The following RBBP8 variants were observed in gnomAD, a reference collection of about 807,000 sequenced individuals.
The protein encoded by RBBP8 is DNA endonuclease RBBP8.
RBBP8 carries 88 observed loss-of-function variants against 108.3 expected under a neutral mutation model. The observed-to-expected ratio is 0.81, with a 90% CI of 0.68 to 0.97. The LOEUF is 0.97. RBBP8 is among the 50% of genes least tolerant of loss of function. RBBP8 has a pLI of 0.00. For synonymous variants in RBBP8, 332 were observed against 348.2 expected, an observed-to-expected ratio of 0.95 and a Z score of 0.52; for missense variants, 1,023 against 1,049.0, an observed-to-expected ratio of 0.98 and a Z score of 0.34.
rs764144743 is a variant in RBBP8 at position 22,953,120 on chromosome 18, ACT to A, written c.248+3410_248+3411del. Among the ~76,000 whole-genome samples, 57 of 152,312 alleles carry A rather than the reference ACT, an allele frequency of 3.7e-4. 1 individual carries two copies. Among genetic ancestry groups the A allele is most frequent in the Admixed American group, 1.6e-3 (25 of 15,312 alleles). On this transcript the variant is annotated intron_variant, in intron 4 of 18. Transcript: ENST00000327155. ...GAGCTGTCAGACCCTCATGCCTCTAACTCTGTGAAGAAGAGAGGGAAGAGGAT... is the reference window on the plus strand; with the variant it reads ...GAGCTGTCAGACCCTCATGCCTCTAACTGTGAAGAAGAGAGGGAAGAGGAT...
At chr18:22,974,462 T>G (rs1914352744) in intron 5 of RBBP8, among the ~76,000 whole-genome samples, 1 of 152,148 alleles carries the variant, frequency 6.6e-6, no homozygotes, top group Admixed American at 6.5e-5. Flanking sequence ...TTTTGGTGTT[T>G]TTTTGTTTTG....
At chr18:22,982,476 A>G (rs1915003654) in intron 7 of RBBP8, 83 bp downstream of exon 7, 1 of 1,597,392 alleles carries the variant, frequency 6.3e-7, no homozygotes, top group Admixed American at 1.7e-5. Flanking sequence ...CAATCTAGTG[A>G]TAAGAAGATA....
intron 16 of RBBP8, among the ~76,000 whole-genome samples, chr18:23,011,032 T>A (rs745703498): frequency 1.3e-5 from 2 of 152,202 alleles, no homozygotes; most frequent in Non-Finnish European, 2.9e-5. Flanking sequence ...GTGGCAATAT[T>A]TTTTGTGTGT....
chr18:22,942,626 A>G (rs1056833334), intron 2 of RBBP8, among the ~76,000 whole-genome samples: 1 of 152,076 alleles, frequency 6.6e-6, no homozygotes, highest in African/African-American at 2.4e-5. Context: ...TGCTAGTATC[A>G]GTGTCACAGA....
At chr18:23,024,951 A>G (rs1014256746) in intron 18 of RBBP8, among the ~76,000 whole-genome samples, 3 of 152,224 alleles carry the variant, frequency 2.0e-5, no homozygotes, top group African/African-American at 7.2e-5. Flanking sequence ...TTGCCATCTT[A>G]TAGAAACTAT....
At chr18:23,009,862 A>AGCGATTC (rs1166393547) in intron 16 of RBBP8, among the ~76,000 whole-genome samples, 1 of 152,162 alleles carries the variant, frequency 6.6e-6, no homozygotes, top group Non-Finnish European at 1.5e-5. Flanking sequence ...CCTGGGTTCA[A>AGCGATTC]GCGATTCTCC....
At chr18:23,017,051 A>C in intron 17 of RBBP8, 127 bp downstream of exon 17, 1 of 772,502 alleles carries the variant, frequency 1.3e-6, no homozygotes, top group East Asian at 2.7e-5. Context: ...CAGGCGTAAC[A>C]GCAGGAATAA....
chr18:22,984,310 C>G (rs1035318788), intron 7 of RBBP8, among the ~76,000 whole-genome samples: 2 of 151,760 alleles, frequency 1.3e-5, no homozygotes, highest in Admixed American at 1.3e-4. Flanking sequence ...AGTTTCCTTC[C>G]CGAAAATAGA....
At chr18:22,935,085 T>G (rs1191236562) in intron 1 of RBBP8, among the ~76,000 whole-genome samples, 1 of 151,066 alleles carries the variant, frequency 6.6e-6, no homozygotes, top group East Asian at 1.9e-4. Flanking sequence ...CTGTTAGAGT[T>G]AAAGATAGAA....
At chr18:22,999,141 A>G (rs1247946861) in intron 14 of RBBP8, among the ~76,000 whole-genome samples, 3 of 152,260 alleles carry the variant, frequency 2.0e-5, no homozygotes, top group Admixed American at 1.3e-4. Flanking sequence ...AGGGGAAATT[A>G]TAGAGATAAT....
intron 3 of RBBP8, among the ~76,000 whole-genome samples, chr18:22,926,808 T>C (rs1435581856): frequency 6.6e-6 from 1 of 152,232 alleles, no homozygotes; most frequent in Non-Finnish European, 1.5e-5. Flanking sequence ...GTATACTCTT[T>C]AATGTCCATT....
chr18:22,966,334 GTTCA>G (rs1371106906), intron 4 of RBBP8, among the ~76,000 whole-genome samples: 3 of 152,026 alleles, frequency 2.0e-5, no homozygotes, highest in African/African-American at 4.8e-5. Context: ...CTAGCTGTTT[GTTCA>G]TTCATTCTAG....
chr18:23,022,628 A>AAAAT (rs1491510275), intron 18 of RBBP8, among the ~76,000 whole-genome samples: 2 of 94,112 alleles, frequency 2.1e-5, no homozygotes, highest in African/African-American at 5.8e-5. Context: ...AAAATAAAAT[A>AAAAT]AAATAAAATA....
At position 22,936,547 on chromosome 18, in the gene RBBP8, CA is replaced by C. The variant is rs1404550896; in HGVS notation, c.-98-206del. 2.0e-5 allele frequency among the ~76,000 whole-genome samples: 3 copies of C among 152,298 alleles called. No individual in the cohort carries two copies. The East Asian group carries it at 5.8e-4, about 29-fold the overall frequency. ...AGAAAATTTGCCTGAAAATTTACCT[CA>C]TATAGCCAAATAACTGAAATCAGAA... On this transcript the variant is annotated intron_variant, in intron 1 of 18. Coordinates refer to ENST00000327155, the MANE Select transcript of RBBP8 (RefSeq NM_002894.3).
upstream of RBBP8, among the ~76,000 whole-genome samples, chr18:22,928,440 A>C (rs1039184591): frequency 3.3e-5 from 5 of 152,136 alleles, no homozygotes; most frequent in African/African-American, 1.2e-4. Flanking sequence ...CTGAGCTGAG[A>C]CTTAAAAGAA....
chr18:22,978,435 T>C (rs1355490887), intron 6 of RBBP8, among the ~76,000 whole-genome samples: 1 of 152,206 alleles, frequency 6.6e-6, no homozygotes, highest in Non-Finnish European at 1.5e-5. Flanking sequence ...TGTTTTTTCC[T>C]TTTATGACAA....
rs1215160037 is a variant in RBBP8, at chr18:22,936,789, A to G, written c.-63A>G. On this transcript the variant is annotated 5_prime_UTR_variant, in exon 2 of 19. Transcript: ENST00000327155. Reference sequence around the variant, plus strand: ...TGTCCAAAGACGACTTGATACCTCTATAATGTAACAGAAAAGGTCAGAAAA... The same window carrying G: ...TGTCCAAAGACGACTTGATACCTCTGTAATGTAACAGAAAAGGTCAGAAAA... The G allele has an allele frequency of 1.4e-5, 22 of 1,598,000 alleles. No individual in the cohort carries two copies. The highest frequency in any genetic ancestry group is 1.7e-5 in the Non-Finnish European group (20 of 1,166,790).
At chr18:22,986,768 T>C (rs1202675781) in intron 8 of RBBP8, among the ~76,000 whole-genome samples, 1 of 152,134 alleles carries the variant, frequency 6.6e-6, no homozygotes, top group Admixed American at 6.5e-5. Context: ...AAAAGTTACA[T>C]ACTGAAAGCT....
intron 2 of RBBP8, among the ~76,000 whole-genome samples, chr18:22,915,845 C>T (rs1909335614): frequency 6.6e-6 from 1 of 151,900 alleles, no homozygotes; most frequent in Admixed American, 6.6e-5. Context: ...TTGAAGAAAG[C>T]TATTTAAGAA....
Sources: allele counts gnomAD v4.1 joint callset (sites outside exome capture counted in the v4.1 genomes callset), GRCh38; gene constraint gnomAD v4.1.1; transcripts MANE v1.5; gene names NCBI Gene and HGNC (gene_info 2026-07-23, HGNC 2026-07-21).